The following MYOM1 variants were observed in gnomAD, a reference collection of about 807,000 sequenced individuals.
MYOM1 encodes myomesin-1.
In MYOM1, 164 loss-of-function variants were observed where a neutral mutation model predicts 205.3. The ratio of observed to expected loss-of-function variants is 0.80; its 90% CI spans 0.70 to 0.91. MYOM1 has a LOEUF of 0.91. Among genes scored for constraint, MYOM1 ranks in the 40% least tolerant of loss-of-function variants. The pLI, the probability that MYOM1 is intolerant of heterozygous loss-of-function variation, is 0.00. For missense variants in MYOM1, 2,011 were observed against 2,127.3 expected (o/e 0.95, Z 1.08); for synonymous variants, 772 against 789.4 (o/e 0.98, Z 0.37).
chr18:3,116,490 A>G lies in MYOM1; in HGVS notation c.3144T>C (p.Ser1048=), dbSNP rs368391964. 20 of 1,601,556 alleles carry G rather than the reference A, an allele frequency of 1.2e-5. No individual in the cohort carries two copies. The Middle Eastern group carries it at 1.2e-3, about 93-fold the overall frequency. ...VPGPPHSLKC[S]EVRKDSLVLQ... is the part of the protein sequence containing the mutation. ...GAACCAGTGAGTCTTTCCTGACTTC[A>G]CTACACTTGAGACTGTGCGGTGGTC... Residue 1048 remains serine (S), a synonymous_variant, in exon 21 of 38, where the codon AGT becomes AGC. Coordinates refer to ENST00000356443, the MANE Select transcript of MYOM1 (RefSeq NM_003803.4).
At chr18:3,126,591 T>C (rs2079787075) in intron 19 of MYOM1, 110 bp downstream of exon 19, 9 of 949,010 alleles carry the variant, frequency 9.5e-6, no homozygotes, top group Non-Finnish European at 1.4e-5. Context: ...CAATGGACTC[T>C]GGAGAAATGA....
At chr18:3,176,256 C>T in intron 5 of MYOM1, 122 bp from the exon 6 acceptor site, 1 of 605,910 alleles carries the variant, frequency 1.7e-6, no homozygotes, top group Non-Finnish European at 3.0e-6. Context: ...GTAGCAGCAG[C>T]ATCGATTAAA....
chr18:3,225,455 A>G, the MYOM1 span, among the ~76,000 whole-genome samples: 1 of 152,190 alleles, frequency 6.6e-6, no homozygotes. Context: ...GAATTGTTGG[A>G]TAATTGAATA....
Position 3,135,149 on chromosome 18 carries a change from C to T in MYOM1, c.2210-325G>A, listed in dbSNP as rs899166123. ...GTTTTCAGTAGAGATGGGGTTTCAC[C>T]ATGTTGGCCAGGCTGGTCTCAAACT... On this transcript the variant is annotated intron_variant, in intron 15 of 37. Coordinates refer to ENST00000356443, the MANE Select transcript of MYOM1 (RefSeq NM_003803.4). This position sits in a 1 kb window ranked among gnomAD's most constrained non-coding sequence, Gnocchi z 4.1. 12 of 314,308 alleles carry T rather than the reference C, an allele frequency of 3.8e-5. No homozygotes were observed. The highest frequency in any genetic ancestry group is 3.0e-5 in the Non-Finnish European group (5 of 165,322). 19.5% of individuals were successfully genotyped at this position (314,308 alleles called of 1,614,324 possible).
intron 26 of MYOM1, chr18:3,093,607 C>T (rs2079256747): frequency 6.6e-6 from 1 of 152,112 alleles, no homozygotes; most frequent in Non-Finnish European, 1.5e-5. Context: ...AGCAGGCTTT[C>T]CGGTTTTTGC....
intron 37 of MYOM1, among the ~76,000 whole-genome samples, chr18:3,070,736 T>TTGTGTGTGTGTG (rs57044157): frequency 8.2e-5 from 12 of 146,210 alleles, no homozygotes; most frequent in South Asian, 2.2e-4. Flanking sequence ...TGCATGTTCT[T>TTGTGTGTGTGTG]TGTGTGTGTG....
chr18:3,149,410 C>T (rs1285610394), intron 12 of MYOM1, among the ~76,000 whole-genome samples: 1 of 152,130 alleles, frequency 6.6e-6, no homozygotes, highest in Non-Finnish European at 1.5e-5. Context: ...CTGCTGGAGC[C>T]TAGAATCTGC....
intron 16 of MYOM1, 27 bp downstream of exon 16, chr18:3,134,623 C>A: frequency 6.3e-7 from 1 of 1,585,146 alleles, no homozygotes; most frequent in South Asian, 1.1e-5. Context: ...GAGGCCATTG[C>A]CCGCCCTGCA....
intron 37 of MYOM1, among the ~76,000 whole-genome samples, chr18:3,070,307 C>A (rs776571170): frequency 6.6e-6 from 1 of 151,992 alleles, no homozygotes; most frequent in East Asian, 1.9e-4. Flanking sequence ...CACCACCATA[C>A]CCAGCTGACT....
chr18:3,200,093 A>G (rs1248789420), intron 2 of MYOM1, among the ~76,000 whole-genome samples: 2 of 152,114 alleles, frequency 1.3e-5, no homozygotes, highest in Non-Finnish European at 2.9e-5. Flanking sequence ...AAGCATGTCC[A>G]GCCAAATTAT....
intron 2 of MYOM1, among the ~76,000 whole-genome samples, chr18:3,201,631 CAT>C (rs927459591): frequency 1.3e-5 from 2 of 151,090 alleles, no homozygotes; most frequent in Admixed American, 6.6e-5. Context: ...TAAATTTTTA[CAT>C]ATATATTCTA....
intron 36 of MYOM1, among the ~76,000 whole-genome samples, chr18:3,074,774 T>A (rs545755974): frequency 8.5e-5 from 13 of 152,342 alleles, no homozygotes; most frequent in African/African-American, 2.9e-4. Context: ...AATTACTTGA[T>A]ATCAAATTTA....
At chr18:3,225,388 C>A in the MYOM1 span, among the ~76,000 whole-genome samples, 1 of 152,174 alleles carries the variant, frequency 6.6e-6, no homozygotes, top group African/African-American at 2.4e-5. Context: ...ACCTTCTTCC[C>A]CTGTTCACAG....
the MYOM1 span, among the ~76,000 whole-genome samples, chr18:3,227,342 A>G: frequency 1.3e-5 from 2 of 152,212 alleles, no homozygotes; most frequent in South Asian, 4.1e-4. Context: ...TGAAGACATT[A>G]TGCAAAGTGA....
At chr18:3,164,028 AT>A (rs35202568) in intron 10 of MYOM1, among the ~76,000 whole-genome samples, 1 of 150,122 alleles carries the variant, frequency 6.7e-6, no homozygotes, top group Non-Finnish European at 1.5e-5. Context: ...AATCAAAAAA[AT>A]TTTTTTTTGT....
chr18:3,124,362 G>A (rs1241427823), intron 19 of MYOM1, among the ~76,000 whole-genome samples: 5 of 146,050 alleles, frequency 3.4e-5, no homozygotes, highest in African/African-American at 5.2e-5. Flanking sequence ...GTGCAGTGGC[G>A]TGCGATCTTG....
the MYOM1 span, among the ~76,000 whole-genome samples, chr18:3,238,413 G>A: frequency 1.3e-5 from 2 of 151,738 alleles, no homozygotes; most frequent in Non-Finnish European, 2.9e-5. Flanking sequence ...CCCCTGCACT[G>A]AGCTATACAA....
chr18:3,164,579 C>T, intron 9 of MYOM1, 140 bp from the exon 10 acceptor site: 1 of 810,252 alleles, frequency 1.2e-6, no homozygotes, highest in Non-Finnish European at 1.9e-6. Context: ...GACTTTGAGC[C>T]ATCCTGATAT....
At chr18:3,116,637 C>T in intron 20 of MYOM1, 122 bp from the exon 21 acceptor site, 1 of 907,080 alleles carries the variant, frequency 1.1e-6, no homozygotes, top group Non-Finnish European at 1.6e-6. Flanking sequence ...CAAAATCTAG[C>T]TTTCCCATGA....
Sources: gnomAD v4.1 joint callset for allele counts (sites outside exome capture counted in the v4.1 genomes callset) on GRCh38, gnomAD v4.1.1 for gene constraint, Gnocchi (gnomAD v3.1) non-coding constraint, MANE v1.5 for transcripts, NCBI Gene and HGNC (gene_info 2026-07-23, HGNC 2026-07-21) for gene names.